The following DLGAP1 variants were observed in gnomAD, a reference collection of about 807,000 sequenced individuals.
DLGAP1 encodes the protein disks large-associated protein 1.
DLGAP1 carries 11 observed loss-of-function variants against 90.8 expected under a neutral mutation model. The ratio of observed to expected loss-of-function variants is 0.12; its 90% CI spans 0.08 to 0.20. The LOEUF (loss-of-function observed/expected upper bound fraction) is 0.20, where lower values mean the gene tolerates loss of function less well. Among genes scored for constraint, DLGAP1 ranks in the 10% least tolerant of loss-of-function variants. DLGAP1 has a pLI of 1.00. For synonymous variants in DLGAP1, 558 were observed against 540.7 expected, an observed-to-expected ratio of 1.03 and a Z score of -0.44; for missense variants, 1,050 against 1,333.8, an observed-to-expected ratio of 0.79 and a Z score of 3.31.
chr18:4,212,324 T>G (rs562042711), intron 1 of DLGAP1, among the ~76,000 whole-genome samples: 3 of 152,136 alleles, frequency 2.0e-5, no homozygotes, highest in Non-Finnish European at 4.4e-5. Flanking sequence ...ATTCCCAAAC[T>G]GACAGATTCT....
At chr18:3,997,781 A>G (rs1325652365) in intron 3 of DLGAP1, among the ~76,000 whole-genome samples, 2 of 152,194 alleles carry the variant, frequency 1.3e-5, no homozygotes, top group East Asian at 3.8e-4. Flanking sequence ...TCATACATAC[A>G]TATTAAATTT....
At chr18:4,386,107 G>C (rs1232644764) in intron 1 of DLGAP1, among the ~76,000 whole-genome samples, 1 of 152,156 alleles carries the variant, frequency 6.6e-6, no homozygotes, top group Non-Finnish European at 1.5e-5. Flanking sequence ...ACAAGGGATT[G>C]CTGGGGGCTG....
intron 9 of DLGAP1, among the ~76,000 whole-genome samples, chr18:3,564,363 T>C (rs1484171337): frequency 6.6e-6 from 1 of 152,158 alleles, no homozygotes; most frequent in Non-Finnish European, 1.5e-5. Flanking sequence ...AGGTTGGGTA[T>C]GTCCCTTCCC....
chr18:3,909,560 GTGA>G (rs1490929010), intron 3 of DLGAP1, among the ~76,000 whole-genome samples: 39 of 152,104 alleles, frequency 2.6e-4, no homozygotes, highest in Middle Eastern at 3.2e-3. Context: ...TTATTAATTA[GTGA>G]TGATAATTAC....
chr18:3,749,148 CTTTTTTT>C (rs776707431), intron 5 of DLGAP1, among the ~76,000 whole-genome samples: 8 of 120,696 alleles, frequency 6.6e-5, no homozygotes, highest in African/African-American at 1.9e-4. Flanking sequence ...TCTTCTTCTT[CTTTTTTT>C]TTTTTTTTTT....
At chr18:3,743,064 G>T (rs2063126643) in intron 5 of DLGAP1, among the ~76,000 whole-genome samples, 1 of 150,778 alleles carries the variant, frequency 6.6e-6, no homozygotes, top group Non-Finnish European at 1.5e-5. Context: ...CATTAAAAAG[G>T]CACAACTCTC....
At chr18:3,534,661 C>A in intron 9 of DLGAP1, 46 bp from the exon 10 acceptor site, 58 of 1,343,722 alleles carry the variant, frequency 4.3e-5, no homozygotes, top group Non-Finnish European at 5.3e-5. Context: ...ATATTTCTTT[C>A]TTTCCTTCCT....
intron 7 of DLGAP1, among the ~76,000 whole-genome samples, chr18:3,637,185 G>A (rs2058749177): frequency 1.3e-5 from 2 of 152,060 alleles, no homozygotes; most frequent in South Asian, 4.1e-4. Flanking sequence ...ATTTTGCAGT[G>A]TATGTTTATG....
intron 1 of DLGAP1, among the ~76,000 whole-genome samples, chr18:4,371,112 CATTT>C (rs2081906682): frequency 6.6e-6 from 1 of 152,214 alleles, no homozygotes; most frequent in African/African-American, 2.4e-5. Context: ...TGTATTCATT[CATTT>C]GACAACAATT....
intron 7 of DLGAP1, among the ~76,000 whole-genome samples, chr18:3,646,131 C>T (rs2059108168): frequency 1.3e-5 from 2 of 152,168 alleles, no homozygotes; most frequent in South Asian, 2.1e-4. Flanking sequence ...TGTGGTGGCT[C>T]ATGCCTGTAA....
chr18:4,321,906 T>C (rs2080694955), intron 1 of DLGAP1, among the ~76,000 whole-genome samples: 1 of 152,064 alleles, frequency 6.6e-6, no homozygotes, highest in African/African-American at 2.4e-5. Flanking sequence ...GACTTCAAAA[T>C]ATATTACAGG....
chr18:3,913,572 G>A (rs1287331498), intron 3 of DLGAP1, among the ~76,000 whole-genome samples: 9 of 152,150 alleles, frequency 5.9e-5, no homozygotes, highest in Non-Finnish European at 1.0e-4. Context: ...AGATCAGAGA[G>A]AACAATTACT....
intron 1 of DLGAP1, among the ~76,000 whole-genome samples, chr18:4,299,536 C>A (rs965629205): frequency 1.3e-5 from 2 of 152,088 alleles, no homozygotes; most frequent in African/African-American, 4.8e-5. Context: ...AAATAAACAG[C>A]CCATTTTGTC....
At chr18:4,045,430 T>TCCAAAAAA (rs2075035476) in intron 2 of DLGAP1, among the ~76,000 whole-genome samples, 1 of 16,594 alleles carries the variant, frequency 6.0e-5, no homozygotes, top group African/African-American at 2.8e-4. Flanking sequence ...ACCCCATCTC[T>TCCAAAAAA]ACAAAAAAAA....
chr18:3,994,800 T>C (rs2074035830), intron 3 of DLGAP1, among the ~76,000 whole-genome samples: 1 of 152,250 alleles, frequency 6.6e-6, no homozygotes. Flanking sequence ...GTCAACTCTC[T>C]AGAATGATTT....
chr18:4,082,750 G>C (rs1204709599), intron 2 of DLGAP1, among the ~76,000 whole-genome samples: 1 of 152,072 alleles, frequency 6.6e-6, no homozygotes, highest in Non-Finnish European at 1.5e-5. Flanking sequence ...GACAGGTTAA[G>C]TAAGTTGTGA....
At chr18:3,929,907 C>A (rs1375569149) in intron 3 of DLGAP1, among the ~76,000 whole-genome samples, 1 of 152,122 alleles carries the variant, frequency 6.6e-6, no homozygotes, top group African/African-American at 2.4e-5. Context: ...AATGACTGCA[C>A]CAAAGTCTAT....
chr18:4,452,189 G>C (rs1483378494), intron 1 of DLGAP1, among the ~76,000 whole-genome samples: 1 of 151,962 alleles, frequency 6.6e-6, no homozygotes, highest in Non-Finnish European at 1.5e-5. Flanking sequence ...TTGTGGGAAT[G>C]GTCATGAAGG....
At chr18:4,079,286 G>GAC (rs2075568806) in intron 2 of DLGAP1, among the ~76,000 whole-genome samples, 1 of 87,452 alleles carries the variant, frequency 1.1e-5, no homozygotes, top group Admixed American at 1.4e-4. Context: ...TAAAGAAAAT[G>GAC]TCACACACAC....
Sources: gnomAD v4.1 joint callset for allele counts (sites outside exome capture counted in the v4.1 genomes callset) on GRCh38, gnomAD v4.1.1 for gene constraint, MANE v1.5 for transcripts, NCBI Gene and HGNC (gene_info 2026-07-23, HGNC 2026-07-21) for gene names.